FAM174A: variants seen among roughly 807,000 people sequenced by gnomAD.
The protein encoded by FAM174A is membrane protein FAM174A.
Under a neutral mutation model 14.3 loss-of-function variants are expected in FAM174A, and 14 were observed. That is an observed-to-expected ratio of 0.98 (90% CI 0.65 to 1.53). The LOEUF is 1.53. FAM174A is among the 40% of genes most tolerant of loss of function. FAM174A has a pLI of 0.00. For missense variants in FAM174A, 241 were observed against 249.6 expected, an observed-to-expected ratio of 0.97 and a Z score of 0.23; for synonymous variants, 108 against 111.4, an observed-to-expected ratio of 0.97 and a Z score of 0.19.
intron 2 of FAM174A, among the ~76,000 whole-genome samples, chr5:100,573,105 T>C (rs1746826867): frequency 6.6e-6 from 1 of 152,328 alleles, no homozygotes; most frequent in South Asian, 2.1e-4. Context: ...GGTTATTTGT[T>C]TTTTTCTTGT....
At chr5:100,555,515 C>A (rs920877385) in intron 1 of FAM174A, among the ~76,000 whole-genome samples, 1 of 152,102 alleles carries the variant, frequency 6.6e-6, no homozygotes, top group Non-Finnish European at 1.5e-5. Flanking sequence ...CTGACTTCCA[C>A]AACGGTTGAA....
At chr5:100,567,251 C>T (rs1746674034) in intron 2 of FAM174A, among the ~76,000 whole-genome samples, 1 of 151,682 alleles carries the variant, frequency 6.6e-6, no homozygotes, top group South Asian at 2.1e-4. Context: ...GTGACAGGAA[C>T]AGCACATTAC....
intron 1 of FAM174A, among the ~76,000 whole-genome samples, chr5:100,545,806 A>G (rs1746154135): frequency 6.6e-6 from 1 of 152,198 alleles, no homozygotes; most frequent in Non-Finnish European, 1.5e-5. Flanking sequence ...TTATTAATAT[A>G]TGTTACATGT....
At chr5:100,572,344 G>A (rs1314717023) in intron 2 of FAM174A, among the ~76,000 whole-genome samples, 3 of 149,130 alleles carry the variant, frequency 2.0e-5, no homozygotes, top group African/African-American at 7.5e-5. Context: ...CTGGTGCGCT[G>A]CACCCACTAA....
At chr5:100,553,216 A>G (rs556825567) in intron 1 of FAM174A, among the ~76,000 whole-genome samples, 2 of 152,132 alleles carry the variant, frequency 1.3e-5, no homozygotes, top group Non-Finnish European at 2.9e-5. Flanking sequence ...TTGTTTAAAA[A>G]TAATACACAA....
chr5:100,543,148 C>T (rs1239517471), intron 1 of FAM174A, among the ~76,000 whole-genome samples: 1 of 152,082 alleles, frequency 6.6e-6, no homozygotes, highest in Non-Finnish European at 1.5e-5. Context: ...GATATACTAG[C>T]TGCATTTCTT....
In FAM174A at chr5:100,535,441, G is replaced by C; in HGVS notation, c.-90G>C. On this transcript the variant is annotated 5_prime_UTR_variant, in exon 1 of 3. Coordinates refer to ENST00000312637, the MANE Select transcript of FAM174A (RefSeq NM_198507.3). ...CTCTCCCTGGCGTTTGGTCACCTCT[G>C]CTTCATTCTCCACCGCGCCTATGGT... is the stretch of plus-strand genomic sequence containing the variant. 6.9e-7 allele frequency: 1 copy of C among 1,452,374 alleles called. No homozygotes were observed. The highest frequency in any genetic ancestry group is 1.2e-5 in the South Asian group (1 of 80,248). The allele number at this position is 1,452,374 out of a possible 1,614,324, so 90.0% of individuals were successfully genotyped here.
intron 2 of FAM174A, among the ~76,000 whole-genome samples, chr5:100,579,751 T>C (rs895102948): frequency 6.6e-6 from 1 of 152,150 alleles, no homozygotes. Flanking sequence ...TATACAAGAA[T>C]TGTGCACACT....
At chr5:100,572,659 C>T (rs1478308106) in intron 2 of FAM174A, among the ~76,000 whole-genome samples, 1 of 151,974 alleles carries the variant, frequency 6.6e-6, no homozygotes, top group Non-Finnish European at 1.5e-5. Context: ...CATTGTTGGA[C>T]ATTTGGGTTG....
intron 2 of FAM174A, among the ~76,000 whole-genome samples, chr5:100,574,793 CA>C (rs1305524588): frequency 6.6e-6 from 1 of 152,106 alleles, no homozygotes; most frequent in African/African-American, 2.4e-5. Context: ...TGCAGTTTTT[CA>C]TAAAAGGGAA....
intron 1 of FAM174A, among the ~76,000 whole-genome samples, chr5:100,561,037 G>A (rs545208936): frequency 6.6e-6 from 1 of 151,868 alleles, no homozygotes; most frequent in South Asian, 2.1e-4. Flanking sequence ...AGCAGTCTTG[G>A]TTGCTGCCCT....
intron 1 of FAM174A, among the ~76,000 whole-genome samples, chr5:100,553,717 A>C (rs1054611327): frequency 2.6e-5 from 4 of 152,164 alleles, no homozygotes; most frequent in African/African-American, 9.6e-5. Flanking sequence ...TTTTTAGAAG[A>C]TAGTATTTAC....
chr5:100,566,149 T>TATATATATATATAG (rs1746644009), intron 2 of FAM174A, among the ~76,000 whole-genome samples: 2 of 116,036 alleles, frequency 1.7e-5, no homozygotes, highest in Admixed American at 8.0e-5. Context: ...ATGATATATA[T>TATATATATATATAG]ATATATATAT....
At chr5:100,571,064 C>T (rs376932024) in intron 2 of FAM174A, among the ~76,000 whole-genome samples, 2 of 151,534 alleles carry the variant, frequency 1.3e-5, no homozygotes, top group African/African-American at 4.8e-5. Flanking sequence ...TTCTATATAT[C>T]GTTGGGTTCA....
At chr5:100,556,842 G>A (rs562203976) in intron 1 of FAM174A, among the ~76,000 whole-genome samples, 1 of 152,256 alleles carries the variant, frequency 6.6e-6, no homozygotes, top group South Asian at 2.1e-4. Context: ...GAGACTTTGG[G>A]CTGAGACGAT....
At chr5:100,562,308 G>C in intron 2 of FAM174A, 120 bp downstream of exon 2, 2 of 872,512 alleles carry the variant, frequency 2.3e-6, no homozygotes, top group South Asian at 4.2e-5. Context: ...CTTCAGTTCT[G>C]TTTACTGAAG....
At chr5:100,557,434 G>A (rs1746415050) in intron 1 of FAM174A, among the ~76,000 whole-genome samples, 1 of 152,250 alleles carries the variant, frequency 6.6e-6, no homozygotes, top group South Asian at 2.1e-4. Context: ...TTGGTATCAG[G>A]ACGATGCTGG....
chr5:100,584,409 C>T (rs937612656), intron 2 of FAM174A, among the ~76,000 whole-genome samples: 3 of 152,110 alleles, frequency 2.0e-5, no homozygotes. Flanking sequence ...CTTTTCTCCT[C>T]AATGATTTTC....
At chr5:100,580,076 C>T (rs540261688) in intron 2 of FAM174A, among the ~76,000 whole-genome samples, 5 of 152,204 alleles carry the variant, frequency 3.3e-5, no homozygotes, top group Non-Finnish European at 4.4e-5. Flanking sequence ...GTATTTTAAA[C>T]CTCATTAAAT....
Sources: gnomAD v4.1 joint callset for allele counts (sites outside exome capture counted in the v4.1 genomes callset) on GRCh38, gnomAD v4.1.1 for gene constraint, MANE v1.5 for transcripts, NCBI Gene and HGNC (gene_info 2026-07-23, HGNC 2026-07-21) for gene names.